Variants in EHMT1 observed in about 807,000 individuals in gnomAD.
EHMT1 encodes histone-lysine N-methyltransferase EHMT1.
In EHMT1, 15 loss-of-function variants were observed where a neutral mutation model predicts 147.2. The observed-to-expected ratio is 0.10, with a 90% confidence interval of 0.07 to 0.16. The LOEUF (loss-of-function observed/expected upper bound fraction) is 0.16, where lower values mean the gene tolerates loss of function less well. Among genes scored for constraint, EHMT1 ranks in the 10% least tolerant of loss-of-function variants. The probability of loss-of-function intolerance (pLI) is 1.00; values close to 1 mark genes in which losing one functional copy is unlikely to be tolerated. For synonymous variants in EHMT1, 795 were observed against 709.6 expected, an observed-to-expected ratio of 1.12 and a Z score of -1.91; for missense variants, 1,587 against 1,772.4, an observed-to-expected ratio of 0.90 and a Z score of 1.88.
intron 10 of EHMT1, among the ~76,000 whole-genome samples, chr9:137,767,610 C>A (rs758304734): frequency 9.9e-5 from 15 of 152,088 alleles, no homozygotes; most frequent in Non-Finnish European, 1.8e-4. Flanking sequence ...GTCAGGAGTT[C>A]AAAACCAGCC....
intron 1 of EHMT1, among the ~76,000 whole-genome samples, chr9:137,708,621 G>T (rs4573359): frequency 0.1 from 15,286 of 152,250 alleles, 832 homozygotes; most frequent in Middle Eastern, 0.2. Flanking sequence ...TCAAGCTCAT[G>T]GGGACAGATA....
In EHMT1 at chr9:137,775,255, A is replaced by G. The variant is rs778450773; in HGVS notation, c.1791+3A>G. 1 of 1,609,954 alleles carries G rather than the reference A, an allele frequency of 6.2e-7. No homozygotes were observed. On this transcript the variant is annotated splice_donor_region_variant and intron_variant, in intron 11 of 26. Transcript: ENST00000460843. This position sits in a 1 kb window ranked among gnomAD's most constrained non-coding sequence, Gnocchi z 6.1. Reference sequence around the variant, plus strand: ...GCTGTGGCTACTTCTGCACAGCGGTAAGAGCCCAGTCCGGCAGCCTCTGAG... The same window carrying G: ...GCTGTGGCTACTTCTGCACAGCGGTGAGAGCCCAGTCCGGCAGCCTCTGAG...
chr9:137,691,324 T>TATATATAA (rs950554522), intron 1 of EHMT1, among the ~76,000 whole-genome samples: 2 of 149,276 alleles, frequency 1.3e-5, no homozygotes, highest in African/African-American at 4.9e-5. Flanking sequence ...TATATATATA[T>TATATATAA]AAAATATATT....
At chr9:137,799,921 A>AG (rs1230364694) in intron 17 of EHMT1, among the ~76,000 whole-genome samples, 1 of 152,180 alleles carries the variant, frequency 6.6e-6, no homozygotes, top group Non-Finnish European at 1.5e-5. Context: ...TCCATTGAGC[A>AG]GGGGGGCTGG....
intron 6 of EHMT1, among the ~76,000 whole-genome samples, chr9:137,744,847 G>A (rs574704126): frequency 2.2e-4 from 34 of 152,400 alleles, no homozygotes; most frequent in African/African-American, 6.5e-4. Context: ...TTGTCACAGC[G>A]GTGCTGTTGC....
chr9:137,631,932 C>T (rs1050036273), intron 1 of EHMT1, among the ~76,000 whole-genome samples: 11 of 152,136 alleles, frequency 7.2e-5, no homozygotes, highest in South Asian at 2.1e-4. Context: ...TGCCTAATCA[C>T]GTCGTGGGCA....
chr9:137,696,481 G>T (rs768625470), intron 1 of EHMT1, among the ~76,000 whole-genome samples: 11 of 152,168 alleles, frequency 7.2e-5, no homozygotes, highest in Non-Finnish European at 1.6e-4. Flanking sequence ...CTAGAATAAA[G>T]AAAAATCTCC....
Position 137,827,927 on chromosome 9 carries a change from C to T in EHMT1, c.3541-6422C>T, listed in dbSNP as rs571185101. ...TACATTTAAAGCCCTCAGCGGTGTC[C>T]GTTCCTTTGAGGGTTCTGGGATCTG... On this transcript the variant is annotated intron_variant, in intron 25 of 26. Coordinates refer to ENST00000460843, the MANE Select transcript of EHMT1 (RefSeq NM_024757.5). Among the ~76,000 whole-genome samples, 7 of 152,300 alleles carry T rather than the reference C, an allele frequency of 4.6e-5. No homozygotes were observed. In the South Asian group the frequency reaches 8.3e-4, roughly 18 times the overall value.
rs113229052 is a variant in EHMT1, at chr9:137,798,723, G to A, written c.2506-90G>A. 3.0e-3 allele frequency: 3,102 copies of A among 1,041,968 alleles called. 57 individuals carry two copies. The African/African-American group carries it at 0.038, about 13-fold the overall frequency. 64.5% of individuals were successfully genotyped at this position (1,041,968 alleles called of 1,614,324 possible). A position where few individuals can be genotyped will look rare whatever the true frequency, so the allele number is the denominator to read the frequency against. ...AGGACAGTACCCCACCCGCATGGTA[G>A]ACACCGGGTTCTCCTGGATCCCGCA... On this transcript the variant is annotated intron_variant, in intron 16 of 26. Coordinates refer to ENST00000460843, the MANE Select transcript of EHMT1 (RefSeq NM_024757.5).
At chr9:137,619,259 C>G (rs1265027846) in intron 1 of EHMT1, among the ~76,000 whole-genome samples, 1 of 141,710 alleles carries the variant, frequency 7.1e-6, no homozygotes, top group East Asian at 2.1e-4. Context: ...CCGCCGGGCG[C>G]GCTTTGTGCG....
chr9:137,655,597 A>C (rs1414082288), intron 1 of EHMT1, among the ~76,000 whole-genome samples: 1 of 152,198 alleles, frequency 6.6e-6, no homozygotes, highest in Non-Finnish European at 1.5e-5. Context: ...CAGGCTGTGG[A>C]GTGCTGGTCA....
At chr9:137,791,729 C>A (rs1361154094) in intron 16 of EHMT1, among the ~76,000 whole-genome samples, 2 of 151,232 alleles carry the variant, frequency 1.3e-5, no homozygotes, top group Non-Finnish European at 1.5e-5. Flanking sequence ...TTACTAAAAT[C>A]CTAACAGCTT....
intron 1 of EHMT1, among the ~76,000 whole-genome samples, chr9:137,687,317 T>C (rs1304840770): frequency 6.6e-6 from 1 of 152,214 alleles, no homozygotes; most frequent in Non-Finnish European, 1.5e-5. Context: ...AATTTCCTTA[T>C]GAATTTTAGG....
chr9:137,744,297 G>A (rs1197578013), intron 6 of EHMT1, among the ~76,000 whole-genome samples: 1 of 146,192 alleles, frequency 6.8e-6, no homozygotes, highest in Non-Finnish European at 1.5e-5. Flanking sequence ...ATTCATTGAA[G>A]TAAACCTCTT....
chr9:137,790,482 C>G (rs904450870), intron 15 of EHMT1, among the ~76,000 whole-genome samples: 1 of 152,148 alleles, frequency 6.6e-6, no homozygotes, highest in Non-Finnish European at 1.5e-5. Flanking sequence ...CAGGGTGAAC[C>G]GGCACCTCCC....
At chr9:137,671,119 G>T (rs1177607769) in intron 1 of EHMT1, among the ~76,000 whole-genome samples, 1 of 152,168 alleles carries the variant, frequency 6.6e-6, no homozygotes, top group Non-Finnish European at 1.5e-5. Flanking sequence ...ATTAGTGAGG[G>T]TGTCTTGCCT....
At chr9:137,816,195 A>G (rs1954906573) in intron 23 of EHMT1, 133 bp downstream of exon 23, 2 of 791,228 alleles carry the variant, frequency 2.5e-6, no homozygotes, top group Non-Finnish European at 4.3e-6. Context: ...TAGAGCCGAC[A>G]AGTTACCTGA....
At chr9:137,764,004 C>T (rs1950042990) in intron 10 of EHMT1, 1 of 152,646 alleles carries the variant, frequency 6.6e-6, no homozygotes, top group Non-Finnish European at 1.5e-5. Context: ...GTTTCTGATT[C>T]AGCAGGTCTG....
Position 137,716,740 on chromosome 9 carries a change from C to T in EHMT1, c.200C>T (p.Ala67Val). 6.2e-7 allele frequency: 1 copy of T among 1,612,740 alleles called. No homozygotes were observed. The highest frequency in any genetic ancestry group is 8.5e-7 in the Non-Finnish European group (1 of 1,179,542). ...GAAAACAGCGATGCCAGCAGTCATG[C>T]AAATGCTGCAAAGCACACTCAGGAC... ...SCENSDASSHANAAKHTQDSA... is the reference protein window; with the variant it reads ...SCENSDASSHVNAAKHTQDSA... The change falls in exon 3 of 27, where the codon GCA becomes GTA. Residue 67 changes from alanine to valine, a missense_variant. Transcript: ENST00000460843.
Sources: allele counts gnomAD v4.1 joint callset (sites outside exome capture counted in the v4.1 genomes callset), GRCh38; gene constraint gnomAD v4.1.1; non-coding constraint Gnocchi (gnomAD v3.1); transcripts MANE v1.5; gene names NCBI Gene and HGNC (gene_info 2026-07-23, HGNC 2026-07-21).